Variants in GTF3C6 observed in about 807,000 individuals in gnomAD.
GTF3C6 encodes general transcription factor 3C polypeptide 6.
A neutral mutation model predicts 19.2 loss-of-function variants in GTF3C6; 11 were observed. The observed-to-expected ratio is 0.57, with a 90% CI of 0.36 to 0.95. The LOEUF is 0.95. GTF3C6 is among the 40% of genes least tolerant of loss of function. The pLI is 0.01. For missense variants in GTF3C6, 222 were observed against 254.7 expected, an observed-to-expected ratio of 0.87 and a Z score of 0.87; for synonymous variants, 87 against 84.2, an observed-to-expected ratio of 1.03 and a Z score of -0.18.
intron 4 of GTF3C6, among the ~76,000 whole-genome samples, chr6:110,961,547 G>A (rs1771160631): frequency 6.6e-6 from 1 of 152,180 alleles, no homozygotes; most frequent in Non-Finnish European, 1.5e-5. Context: ...GGAAGTGTCT[G>A]TGCTTCATAT....
chr6:110,967,839 T>C lies in GTF3C6; in HGVS notation c.*49T>C. 1 of 1,473,480 alleles carries C rather than the reference T, an allele frequency of 6.8e-7. No homozygotes were observed. Among genetic ancestry groups the C allele is most frequent in the Non-Finnish European group, 9.2e-7 (1 of 1,088,220 alleles). The allele number at this position is 1,473,480 out of a possible 1,614,324, so 91.3% of individuals were successfully genotyped here. On this transcript the variant is annotated 3_prime_UTR_variant, in exon 6 of 6. Coordinates refer to ENST00000329970, the MANE Select transcript of GTF3C6 (RefSeq NM_138408.4). ...TCTCATAATAACTTGTCAAGAACTT[T>C]TTAGAGTTGTTACATAAAAATAATT...
intron 2 of GTF3C6, among the ~76,000 whole-genome samples, chr6:110,959,990 T>G (rs1326327485): frequency 6.6e-6 from 1 of 151,532 alleles, no homozygotes; most frequent in Admixed American, 6.7e-5. Flanking sequence ...TAATAATAAA[T>G]TAGCTGGGGA....
intron 5 of GTF3C6, 132 bp from the exon 6 acceptor site, chr6:110,967,378 C>T (rs1057461745): frequency 6.6e-6 from 5 of 754,402 alleles, no homozygotes; most frequent in Non-Finnish European, 8.5e-6. Flanking sequence ...TTACAGACAC[C>T]ATATTCCTTG....
intron 4 of GTF3C6, among the ~76,000 whole-genome samples, chr6:110,962,075 T>C (rs900639364): frequency 6.6e-6 from 1 of 152,032 alleles, no homozygotes; most frequent in African/African-American, 2.4e-5. Flanking sequence ...GCGAATTTTT[T>C]GTATCTTTAG....
At chr6:110,961,642 A>G (rs552333132) in intron 4 of GTF3C6, among the ~76,000 whole-genome samples, 2 of 152,154 alleles carry the variant, frequency 1.3e-5, no homozygotes, top group South Asian at 2.1e-4. Context: ...GTTGGCAGCA[A>G]TTTTTTTCCT....
chr6:110,960,452 C>T lies in GTF3C6; in HGVS notation c.177C>T (p.Ser59=), dbSNP rs1200587366. The T allele has an allele frequency of 2.5e-6, 4 of 1,613,902 alleles. No individual in the cohort carries two copies. The highest frequency in any genetic ancestry group is 1.7e-6 in the Non-Finnish European group (2 of 1,179,912). Residue 59 remains serine (S), a synonymous_variant, in exon 3 of 6, where the codon AGC becomes AGT. Coordinates refer to ENST00000329970, the MANE Select transcript of GTF3C6 (RefSeq NM_138408.4). ...AGAGGCCCATTCTGCAAGTGGACAG[C>T]TGTGTCTTTGCTGGGGAGTATGAAG... ...DTERPILQVD[S]CVFAGEYEDT...
chr6:110,960,329 G>C (rs754142359), intron 2 of GTF3C6, 85 bp from the exon 3 acceptor site: 102 of 1,186,462 alleles, frequency 8.6e-5, no homozygotes, highest in Non-Finnish European at 1.2e-4. Flanking sequence ...CAGTTTTGGA[G>C]ATTAGTTTCC....
At chr6:110,962,647 G>A (rs1421965530) in intron 5 of GTF3C6, 142 bp downstream of exon 5, 2 of 556,260 alleles carry the variant, frequency 3.6e-6, no homozygotes, top group South Asian at 4.9e-5. Flanking sequence ...CTGTCACCCA[G>A]GCTGGAATGC....
At chr6:110,966,839 T>C (rs1205824401) in intron 5 of GTF3C6, among the ~76,000 whole-genome samples, 1 of 151,980 alleles carries the variant, frequency 6.6e-6, no homozygotes, top group Non-Finnish European at 1.5e-5. Flanking sequence ...TGAATATCTA[T>C]AGTTGAAGCT....
chr6:110,963,311 C>G (rs1163509480), intron 5 of GTF3C6, among the ~76,000 whole-genome samples: 1 of 152,124 alleles, frequency 6.6e-6, no homozygotes, highest in East Asian at 1.9e-4. Context: ...GCTTAGGGCA[C>G]TGGGGACATA....
intron 5 of GTF3C6, among the ~76,000 whole-genome samples, chr6:110,966,441 C>T (rs1240622157): frequency 6.6e-6 from 1 of 152,072 alleles, no homozygotes; most frequent in African/African-American, 2.4e-5. Context: ...CATGCTACTG[C>T]ACTCCAGCCT....
intron 4 of GTF3C6, among the ~76,000 whole-genome samples, chr6:110,961,532 T>C (rs1028184324): frequency 1.3e-5 from 2 of 152,180 alleles, no homozygotes; most frequent in African/African-American, 4.8e-5. Context: ...ACAGTAGCAA[T>C]GTATGGAAGT....
At chr6:110,962,295 G>T in intron 4 of GTF3C6, 97 bp from the exon 5 acceptor site, 1 of 661,882 alleles carries the variant, frequency 1.5e-6, no homozygotes, top group Non-Finnish European at 2.7e-6. Flanking sequence ...ACAGGAAGTA[G>T]TTTAATCTGA....
In GTF3C6 at chr6:110,960,490, C is replaced by T. The variant is rs1197680281; in HGVS notation, c.202+13C>T. 6.2e-7 allele frequency: 1 copy of T among 1,613,238 alleles called. No homozygotes were observed. On this transcript the variant is annotated intron_variant, in intron 3 of 5. Coordinates refer to ENST00000329970, the MANE Select transcript of GTF3C6 (RefSeq NM_138408.4). ...GGGGAGTATGAAGGTAGGAGGATGT[C>T]AGATAGATGGAACTCTTTCTGATAT...
Position 110,967,498 on chromosome 6 carries a change from C to T in GTF3C6, c.362-12C>T. ...TTCTTTTTTTGTTTATTCCTCATCCCCTCCAAATTAGGTGGGGTGGAATGG... is the reference window on the plus strand; with the variant it reads ...TTCTTTTTTTGTTTATTCCTCATCCTCTCCAAATTAGGTGGGGTGGAATGG... On this transcript the variant is annotated splice_polypyrimidine_tract_variant and intron_variant, in intron 5 of 5. Coordinates refer to ENST00000329970, the MANE Select transcript of GTF3C6 (RefSeq NM_138408.4). The T allele has an allele frequency of 6.3e-7, 1 of 1,589,116 alleles. No homozygotes were observed. The highest frequency in any genetic ancestry group is 1.2e-5 in the South Asian group (1 of 86,246).
chr6:110,962,247 A>G, intron 4 of GTF3C6, 145 bp from the exon 5 acceptor site: 1 of 584,230 alleles, frequency 1.7e-6, no homozygotes, highest in Non-Finnish European at 3.1e-6. Context: ...TTGGAGCAGG[A>G]GGGATGAGTT....
intron 5 of GTF3C6, among the ~76,000 whole-genome samples, chr6:110,964,166 C>T (rs1369351165): frequency 6.6e-6 from 1 of 152,144 alleles, no homozygotes; most frequent in Non-Finnish European, 1.5e-5. Flanking sequence ...CCTCTGCCCC[C>T]CATCCCCCTA....
chr6:110,960,868 T>C (rs965695849), intron 4 of GTF3C6, among the ~76,000 whole-genome samples: 1 of 151,842 alleles, frequency 6.6e-6, no homozygotes, highest in Non-Finnish European at 1.5e-5. Flanking sequence ...CTGGCCAACA[T>C]GGCAAAACCT....
chr6:110,961,239 C>G (rs1287075019), intron 4 of GTF3C6, among the ~76,000 whole-genome samples: 2 of 151,522 alleles, frequency 1.3e-5, no homozygotes, highest in African/African-American at 4.8e-5. Flanking sequence ...CAACCTCCAC[C>G]TCCCAGGTTC....
Sources: gnomAD v4.1 joint callset for allele counts (sites outside exome capture counted in the v4.1 genomes callset) on GRCh38, gnomAD v4.1.1 for gene constraint, MANE v1.5 for transcripts, NCBI Gene and HGNC (gene_info 2026-07-23, HGNC 2026-07-21) for gene names.